Variants in ST3GAL3 observed in about 807,000 individuals in gnomAD.
ST3GAL3 encodes the protein CMP-N-acetylneuraminate-beta-1,4-galactoside alpha-2,3-sialyltransferase.
ST3GAL3 carries 21 observed loss-of-function variants against 50.1 expected under a neutral mutation model. The observed-to-expected ratio is 0.42, with a 90% CI of 0.30 to 0.60. The LOEUF is 0.60. ST3GAL3 is among the 20% of genes least tolerant of loss of function. ST3GAL3 has a pLI of 0.19. For synonymous variants in ST3GAL3, 183 were observed against 190.0 expected (o/e 0.96, Z 0.30); for missense variants, 353 against 489.4 (o/e 0.72, Z 2.63).
At chr1:43,771,248 A>T (rs1329240774) in intron 2 of ST3GAL3, among the ~76,000 whole-genome samples, 1 of 152,232 alleles carries the variant, frequency 6.6e-6, no homozygotes, top group East Asian at 1.9e-4. Context: ...TATATCTGTT[A>T]TAAATAGAAT....
At chr1:43,918,119 C>CTTTTTTTTTTTT (rs573834844) in intron 9 of ST3GAL3, among the ~76,000 whole-genome samples, 1 of 133,904 alleles carries the variant, frequency 7.5e-6, no homozygotes, top group African/African-American at 2.9e-5. Flanking sequence ...TTTTCTTTCT[C>CTTTTTTTTTTTT]TTTTTTTTTT....
intron 9 of ST3GAL3, chr1:43,912,066 G>T (rs2081039621): frequency 6.6e-6 from 1 of 152,092 alleles, no homozygotes; most frequent in Admixed American, 6.6e-5. Context: ...TTTTGTCCTT[G>T]GCCCAACAAT....
intron 3 of ST3GAL3, among the ~76,000 whole-genome samples, chr1:43,805,050 AC>A (rs1457651823): frequency 6.6e-6 from 1 of 152,214 alleles, no homozygotes; most frequent in Non-Finnish European, 1.5e-5. Flanking sequence ...CTTTATGAGA[AC>A]CCAAATACAT....
chr1:43,813,907 A>ACACG (rs1453010696), intron 3 of ST3GAL3, among the ~76,000 whole-genome samples: 11 of 75,920 alleles, frequency 1.4e-4, no homozygotes, highest in African/African-American at 7.0e-4. Context: ...ACACACGCAC[A>ACACG]CACACACACA....
intron 9 of ST3GAL3, chr1:43,916,578 T>TTTGTACCA (rs1308256708): frequency 6.6e-6 from 1 of 152,186 alleles, no homozygotes; most frequent in African/African-American, 2.4e-5. Flanking sequence ...GGTACATCCA[T>TTTGTACCA]AAGACAAAAT....
chr1:43,857,585 TC>T (rs1229481627), intron 5 of ST3GAL3, among the ~76,000 whole-genome samples: 5,527 of 94,358 alleles, frequency 0.059, 1,055 homozygotes, highest in South Asian at 0.1. Context: ...CCTTCCTCCC[TC>T]CCTTCCTTCC....
chr1:43,721,858 C>T (rs577767914), intron 1 of ST3GAL3, among the ~76,000 whole-genome samples: 3 of 152,094 alleles, frequency 2.0e-5, no homozygotes, highest in African/African-American at 7.2e-5. Flanking sequence ...GCCTTGGCCT[C>T]CCAAAGTGCT....
chr1:43,916,144 C>T (rs1048284787), intron 9 of ST3GAL3, among the ~76,000 whole-genome samples: 1 of 152,104 alleles, frequency 6.6e-6, no homozygotes, highest in Non-Finnish European at 1.5e-5. Context: ...CATTAATGCT[C>T]GCTGAATAAG....
intron 2 of ST3GAL3, chr1:43,772,218 T>G (rs1695535165): frequency 2.6e-6 from 1 of 388,834 alleles, no homozygotes; most frequent in African/African-American, 2.1e-5. Context: ...CCTGGCTAAT[T>G]TTGATTTTTA....
intron 5 of ST3GAL3, 75 bp downstream of exon 5, chr1:43,838,386 C>G: frequency 7.5e-7 from 1 of 1,331,804 alleles, no homozygotes. Context: ...CTGCCTCTCA[C>G]AGCCAGTCAT....
chr1:43,904,655 C>G (rs1413967023), intron 9 of ST3GAL3, among the ~76,000 whole-genome samples: 1 of 151,614 alleles, frequency 6.6e-6, no homozygotes, highest in Non-Finnish European at 1.5e-5. Context: ...ATAATTATTA[C>G]CATGTCATTC....
intron 5 of ST3GAL3, chr1:43,840,554 G>A (rs1018604810): frequency 1.3e-5 from 2 of 151,974 alleles, no homozygotes; most frequent in Non-Finnish European, 2.9e-5. Flanking sequence ...CTATTACCCT[G>A]TTAAGTACCT....
intron 5 of ST3GAL3, chr1:43,850,601 A>G: frequency 1.3e-6 from 1 of 761,562 alleles, no homozygotes. Flanking sequence ...TGTTGCAGGC[A>G]ATAGAACAGG....
chr1:43,755,730 T>C (rs974839732), intron 2 of ST3GAL3, among the ~76,000 whole-genome samples: 1 of 152,112 alleles, frequency 6.6e-6, no homozygotes, highest in African/African-American at 2.4e-5. Flanking sequence ...CAGTTTCACT[T>C]AGGTAAATTA....
At chr1:43,918,180 G>A (rs1209136376) in intron 9 of ST3GAL3, among the ~76,000 whole-genome samples, 2 of 139,450 alleles carry the variant, frequency 1.4e-5, no homozygotes, top group African/African-American at 2.7e-5. Context: ...GTGCAGTGGC[G>A]TGATGATGAC....
At chr1:43,891,707 G>A (rs1159328449) in intron 5 of ST3GAL3, among the ~76,000 whole-genome samples, 17 of 152,190 alleles carry the variant, frequency 1.1e-4, no homozygotes, top group Non-Finnish European at 1.5e-4. Context: ...TTTGGGGGCT[G>A]TTAAGGAATC....
At chr1:43,718,774 A>G (rs909050007) in intron 1 of ST3GAL3, among the ~76,000 whole-genome samples, 1 of 125,330 alleles carries the variant, frequency 8.0e-6, no homozygotes, top group African/African-American at 3.1e-5. Flanking sequence ...TGCAACCTCC[A>G]CCTCCCAGGT....
intron 9 of ST3GAL3, among the ~76,000 whole-genome samples, chr1:43,907,415 A>G (rs1156699976): frequency 6.6e-6 from 1 of 152,126 alleles, no homozygotes; most frequent in African/African-American, 2.4e-5. Context: ...ACATGGTGTC[A>G]CCTTAGTAGC....
intron 2 of ST3GAL3, among the ~76,000 whole-genome samples, chr1:43,778,389 C>G (rs1249650886): frequency 2.0e-5 from 3 of 152,152 alleles, no homozygotes; most frequent in Non-Finnish European, 4.4e-5. Context: ...TTTAACAAAC[C>G]TGCACAACCT....
Sources: gnomAD v4.1 joint callset for allele counts (sites outside exome capture counted in the v4.1 genomes callset) on GRCh38, gnomAD v4.1.1 for gene constraint, MANE v1.5 for transcripts, NCBI Gene and HGNC (gene_info 2026-07-23, HGNC 2026-07-21) for gene names.